ESRRB: variants seen among roughly 807,000 people sequenced by gnomAD.
ESRRB encodes steroid hormone receptor ERR2.
Under a neutral mutation model 46.0 loss-of-function variants are expected in ESRRB, and 16 were observed. That is an observed-to-expected ratio of 0.35 (90% CI 0.24 to 0.53). The LOEUF (loss-of-function observed/expected upper bound fraction) is 0.53, where lower values mean the gene tolerates loss of function less well. Among genes scored for constraint, ESRRB ranks in the 20% least tolerant of loss-of-function variants. The probability of loss-of-function intolerance (pLI) is 0.93; values close to 1 mark genes in which losing one functional copy is unlikely to be tolerated. For missense variants in ESRRB, 488 were observed against 607.4 expected (o/e 0.80, Z 2.07); for synonymous variants, 246 against 259.6 (o/e 0.95, Z 0.50).
intron 2 of ESRRB, among the ~76,000 whole-genome samples, chr14:76,453,679 C>T (rs778985388): frequency 6.6e-6 from 1 of 151,314 alleles, no homozygotes; most frequent in Non-Finnish European, 1.5e-5. Context: ...CTCACTGCCG[C>T]CTCAGCCTCC....
intron 1 of ESRRB, among the ~76,000 whole-genome samples, chr14:76,394,281 C>T (rs1394192973): frequency 1.3e-5 from 2 of 152,102 alleles, no homozygotes; most frequent in East Asian, 3.9e-4. Flanking sequence ...CTGCCTCTGT[C>T]GTTCTAGGCC....
intron 1 of ESRRB, among the ~76,000 whole-genome samples, chr14:76,433,227 G>GA (rs1887530702): frequency 6.6e-6 from 1 of 152,166 alleles, no homozygotes; most frequent in Non-Finnish European, 1.5e-5. Flanking sequence ...CTCCGATGAA[G>GA]ATTGAAGTAC....
intron 1 of ESRRB, among the ~76,000 whole-genome samples, chr14:76,410,466 C>T (rs1458990087): frequency 6.6e-6 from 1 of 152,152 alleles, no homozygotes; most frequent in Non-Finnish European, 1.5e-5. Context: ...TTCTGTGAAC[C>T]TTACAATATT....
chr14:76,324,085 G>T (rs907600938), intron 1 of ESRRB, among the ~76,000 whole-genome samples: 1 of 152,302 alleles, frequency 6.6e-6, no homozygotes, highest in South Asian at 2.1e-4. Flanking sequence ...GGCATTCTGG[G>T]CAAGAGCTGT....
chr14:76,457,315 A>C (rs567894480), intron 2 of ESRRB, among the ~76,000 whole-genome samples: 1 of 152,234 alleles, frequency 6.6e-6, no homozygotes, highest in Non-Finnish European at 1.5e-5. Flanking sequence ...CTAGCCTCGG[A>C]TCCAACACCT....
intron 1 of ESRRB, among the ~76,000 whole-genome samples, chr14:76,427,224 T>C (rs1482127960): frequency 6.6e-6 from 1 of 152,032 alleles, no homozygotes; most frequent in Non-Finnish European, 1.5e-5. Context: ...AAAAATCTAA[T>C]GGGAGAGACT....
In ESRRB at chr14:76,500,816, C is replaced by T; in HGVS notation, c.*2358C>T. On this transcript the variant is annotated 3_prime_UTR_variant, in exon 7 of 7. Coordinates refer to ENST00000644823, the MANE Select transcript of ESRRB (RefSeq NM_001379180.1). ...CGAGTGACCTCACTTCAGAGCCCCT[C>T]TAGCAGAGTGGGGCGGAAGTCCTGA... 1 of 1,389,094 alleles carries T rather than the reference C, an allele frequency of 7.2e-7. No homozygotes were observed. The highest frequency in any genetic ancestry group is 1.0e-6 in the Non-Finnish European group (1 of 974,950). The allele number at this position is 1,389,094 out of a possible 1,614,324, so 86.0% of individuals were successfully genotyped here.
intron 1 of ESRRB, among the ~76,000 whole-genome samples, chr14:76,332,773 T>TA (rs1287627635): frequency 6.9e-5 from 1 of 14,482 alleles, no homozygotes; most frequent in Non-Finnish European, 1.1e-4. Context: ...ATATAATATA[T>TA]ATTATATATT....
intron 1 of ESRRB, among the ~76,000 whole-genome samples, chr14:76,363,727 A>C (rs181799478): frequency 6.6e-6 from 1 of 152,276 alleles, no homozygotes; most frequent in East Asian, 1.9e-4. Context: ...ACCTACGCAC[A>C]TATTTCCCCA....
chr14:76,318,863 A>G (rs1224104019), intron 1 of ESRRB, among the ~76,000 whole-genome samples: 1 of 152,226 alleles, frequency 6.6e-6, no homozygotes, highest in East Asian at 1.9e-4. Context: ...GTATAGCAGA[A>G]GATGCTATAT....
chr14:76,370,161 A>C (rs1884586196), upstream of ESRRB, among the ~76,000 whole-genome samples: 1 of 151,404 alleles, frequency 6.6e-6, no homozygotes, highest in African/African-American at 2.4e-5. Flanking sequence ...GAGGCTAAGG[A>C]TGGATTACCT....
chr14:76,368,205 C>T (rs1221985581), upstream of ESRRB, among the ~76,000 whole-genome samples: 1 of 149,012 alleles, frequency 6.7e-6, no homozygotes, highest in Non-Finnish European at 1.5e-5. Context: ...AATCTCCTGA[C>T]CTTGTGATCT....
At chr14:76,484,198 T>C (rs910794754) in intron 5 of ESRRB, among the ~76,000 whole-genome samples, 3 of 152,184 alleles carry the variant, frequency 2.0e-5, no homozygotes, top group Admixed American at 2.0e-4. Flanking sequence ...TGTCCTTCCA[T>C]GTGAGACCTT....
At position 76,360,078 on chromosome 14, in the gene ESRRB, G is replaced by C. The variant is rs188049838; in HGVS notation, c.2+49162G>C. On this transcript the variant is annotated intron_variant, in intron 1 of 6. Transcript: ENST00000512784. ...CAGGGTCTAGTTTTCAATTGCCCAA[G>C]TGCTCTGATGCCTCTCAGTGGGATG... 2.0e-5 allele frequency among the ~76,000 whole-genome samples: 3 copies of C among 152,284 alleles called. No homozygotes were observed. The East Asian group carries it at 5.8e-4, about 29-fold the overall frequency.
At chr14:76,403,830 G>A (rs1886047124) in intron 1 of ESRRB, among the ~76,000 whole-genome samples, 1 of 151,974 alleles carries the variant, frequency 6.6e-6, no homozygotes, top group African/African-American at 2.4e-5. Flanking sequence ...GGGTTCAAAC[G>A]ATTCTCCTGC....
rs375648695 is a variant in ESRRB, at chr14:76,482,135, C to T, written c.688+9C>T. 59 of 1,602,630 alleles carry T rather than the reference C, an allele frequency of 3.7e-5. No homozygotes were observed. The highest frequency in any genetic ancestry group is 5.0e-5 in the Non-Finnish European group (58 of 1,169,676). ...ACCTGCTAAAAAGCCATGTGAGTGT[C>T]AGGGCAGTCCCTGCCCCTTTTGCCA... On this transcript the variant is annotated intron_variant, in intron 4 of 6. Coordinates refer to ENST00000644823, the MANE Select transcript of ESRRB (RefSeq NM_001379180.1). This position sits in a 1 kb window ranked among gnomAD's most constrained non-coding sequence, Gnocchi z 4.3.
rs779183129 is a variant in ESRRB at position 76,466,553 on chromosome 14, AGC to A, written c.577+3893_577+3894del. Among the ~76,000 whole-genome samples, 575 of 152,214 alleles carry A rather than the reference AGC, an allele frequency of 3.8e-3. 1 individual carries two copies. The highest frequency in any genetic ancestry group is 5.3e-3 in the African/African-American group (222 of 41,536). The stretch of plus-strand genomic sequence containing the variant: ...TCCAGAGCAGACCATGGAAAACAGG[AGC>A]TGTCCAAAGGCCTATCTTGCTTTAA... On this transcript the variant is annotated intron_variant, in intron 3 of 6. Transcript: ENST00000644823.
intron 1 of ESRRB, among the ~76,000 whole-genome samples, chr14:76,350,001 G>A (rs1595051739): frequency 6.6e-6 from 1 of 152,118 alleles, no homozygotes; most frequent in East Asian, 1.9e-4. Flanking sequence ...CTTTTCTTGG[G>A]TACCTGTTCC....
intron 6 of ESRRB, among the ~76,000 whole-genome samples, chr14:76,494,582 C>T (rs577038509): frequency 6.6e-6 from 1 of 152,268 alleles, no homozygotes; most frequent in East Asian, 1.9e-4. Flanking sequence ...GCTGGGATTG[C>T]GGGCGTGAGT....
Sources: allele counts gnomAD v4.1 joint callset (sites outside exome capture counted in the v4.1 genomes callset), GRCh38; gene constraint gnomAD v4.1.1; non-coding constraint Gnocchi (gnomAD v3.1); transcripts MANE v1.5; gene names NCBI Gene and HGNC (gene_info 2026-07-23, HGNC 2026-07-21).